GABRG3: variants seen among roughly 807,000 people sequenced by gnomAD.
GABRG3 encodes the protein gamma-aminobutyric acid type A receptor subunit gamma3.
In GABRG3, 25 loss-of-function variants were observed where a neutral mutation model predicts 48.8. The observed-to-expected ratio is 0.51, with a 90% CI of 0.37 to 0.72. The LOEUF is 0.72. Ranked by LOEUF, GABRG3 falls within the 30% of genes least tolerant of loss-of-function variation. The pLI is 0.00. For synonymous variants in GABRG3, 227 were observed against 217.6 expected, an observed-to-expected ratio of 1.04 and a Z score of -0.38; for missense variants, 394 against 577.9, an observed-to-expected ratio of 0.68 and a Z score of 3.26.
At chr15:27,361,177 A>G (rs866831139) in intron 5 of GABRG3, among the ~76,000 whole-genome samples, 34 of 152,202 alleles carry the variant, frequency 2.2e-4, no homozygotes, top group African/African-American at 8.0e-4. Flanking sequence ...TCTTAGTGAC[A>G]GTGGAACTGT....
At chr15:27,290,339 T>A (rs1226072678) in intron 3 of GABRG3, among the ~76,000 whole-genome samples, 1 of 151,964 alleles carries the variant, frequency 6.6e-6, no homozygotes, top group East Asian at 1.9e-4. Context: ...AGAGCTTAAC[T>A]GCCCCATCCA....
intron 3 of GABRG3, among the ~76,000 whole-genome samples, chr15:27,135,316 G>A (rs1399923021): frequency 6.6e-6 from 1 of 152,210 alleles, no homozygotes; most frequent in Non-Finnish European, 1.5e-5. Context: ...AAGAGCCAGT[G>A]TGGCCAGGTA....
intron 3 of GABRG3, among the ~76,000 whole-genome samples, chr15:27,296,180 C>A (rs1345143279): frequency 6.6e-6 from 1 of 152,100 alleles, no homozygotes. Context: ...AAGCAAGTGA[C>A]CCTAGACAGT....
chr15:27,434,710 C>T (rs912968982), intron 5 of GABRG3, among the ~76,000 whole-genome samples: 22 of 152,140 alleles, frequency 1.4e-4, no homozygotes, highest in Non-Finnish European at 2.9e-4. Flanking sequence ...GGGCAGTGAA[C>T]ACCTGGCCAG....
rs943886695 is a variant in GABRG3, at chr15:27,102,734, A to G, written c.270+75913A>G. Among the ~76,000 whole-genome samples, 9 of 152,224 alleles carry G rather than the reference A, an allele frequency of 5.9e-5. 1 individual carries two copies. Among genetic ancestry groups the G allele is most frequent in the African/African-American group, 2.2e-4 (9 of 41,466 alleles). On this transcript the variant is annotated intron_variant, in intron 3 of 9. Transcript: ENST00000615808. ...ATATAATTGTGAGCTTACTTCTCCT[A>G]ATAAAAGTACTAACAAGTAAATAGA...
chr15:27,256,663 C>T (rs75435047), intron 3 of GABRG3, among the ~76,000 whole-genome samples: 1,801 of 152,172 alleles, frequency 0.012, 39 homozygotes, highest in East Asian at 0.061. Flanking sequence ...TGTTTACATA[C>T]GTCTTCTTTA....
intron 3 of GABRG3, among the ~76,000 whole-genome samples, chr15:27,244,067 T>G (rs1941636789): frequency 6.6e-6 from 1 of 152,202 alleles, no homozygotes; most frequent in Non-Finnish European, 1.5e-5. Flanking sequence ...TGCTTGGAGA[T>G]GAAGAGCATA....
intron 5 of GABRG3, among the ~76,000 whole-genome samples, chr15:27,330,674 A>G (rs1893773688): frequency 6.6e-6 from 1 of 152,256 alleles, no homozygotes; most frequent in South Asian, 2.1e-4. Flanking sequence ...TTTTTATAGA[A>G]ATAAAATAAT....
intron 3 of GABRG3, among the ~76,000 whole-genome samples, chr15:27,298,886 G>A (rs1398016209): frequency 6.7e-6 from 1 of 150,190 alleles, no homozygotes; most frequent in African/African-American, 2.4e-5. Flanking sequence ...TAATTAATAT[G>A]TTCAAGATCA....
In GABRG3 at chr15:27,534,495, C is replaced by T. The variant is rs956287057; in HGVS notation, c.*1614C>T. On this transcript the variant is annotated 3_prime_UTR_variant, in exon 10 of 10. Transcript: ENST00000615808. ...TACCAGTTAGTTAATAATGCTTTGG[C>T]ATTGTTAAAATTTGAAACCAGAATC... 1 of 152,180 alleles carries T rather than the reference C, an allele frequency of 6.6e-6. No individual in the cohort carries two copies. Among genetic ancestry groups the T allele is most frequent in the African/African-American group, 2.4e-5 (1 of 41,440 alleles). 9.4% of individuals were successfully genotyped at this position (152,180 alleles called of 1,614,324 possible). A position where few individuals can be genotyped will look rare whatever the true frequency, so the allele number is the denominator to read the frequency against.
intron 1 of GABRG3, among the ~76,000 whole-genome samples, chr15:26,972,561 C>T (rs1289563984): frequency 6.6e-6 from 1 of 152,126 alleles, no homozygotes; most frequent in African/African-American, 2.4e-5. Context: ...GTGCCCCTAT[C>T]CCCCAAACCC....
At chr15:27,112,316 G>A (rs1021941352) in intron 3 of GABRG3, among the ~76,000 whole-genome samples, 1 of 152,102 alleles carries the variant, frequency 6.6e-6, no homozygotes, top group Non-Finnish European at 1.5e-5. Context: ...GCTTTTTCTT[G>A]TTGTAAAGCA....
rs958474584 is a variant in GABRG3 at position 27,257,771 on chromosome 15, C to T, written c.271-69038C>T. On this transcript the variant is annotated intron_variant, in intron 3 of 9. Transcript: ENST00000615808. The stretch of plus-strand genomic sequence containing the variant: ...CACTGCAGGGCTCCAGCCTCAGCCT[C>T]CCAAGTAGCTGGGACTATGTGCATG... Among the ~76,000 whole-genome samples, 4 of 152,090 alleles carry T rather than the reference C, an allele frequency of 2.6e-5. No individual in the cohort carries two copies. The South Asian group carries it at 8.3e-4, about 32-fold the overall frequency.
chr15:27,135,627 C>T (rs1378596825), intron 3 of GABRG3, among the ~76,000 whole-genome samples: 2 of 152,132 alleles, frequency 1.3e-5, no homozygotes, highest in Non-Finnish European at 2.9e-5. Flanking sequence ...ATAAGGGAGG[C>T]CAGGCGCAGT....
chr15:27,323,558 T>C (rs1241731326), intron 3 of GABRG3, among the ~76,000 whole-genome samples: 1 of 152,196 alleles, frequency 6.6e-6, no homozygotes, highest in African/African-American at 2.4e-5. Flanking sequence ...TCTGTGCAAA[T>C]ATAGCCTATT....
chr15:27,197,135 T>A (rs1888521400), intron 3 of GABRG3, among the ~76,000 whole-genome samples: 1 of 152,204 alleles, frequency 6.6e-6, no homozygotes, highest in Non-Finnish European at 1.5e-5. Context: ...ATTGTGATTT[T>A]TTTTATTTAA....
At chr15:27,011,238 T>G (rs1263416570) in intron 2 of GABRG3, among the ~76,000 whole-genome samples, 1 of 152,206 alleles carries the variant, frequency 6.6e-6, no homozygotes, top group Non-Finnish European at 1.5e-5. Context: ...GCAACTCTCT[T>G]AGGACTTTCA....
At chr15:27,193,646 G>A (rs1442234773) in intron 3 of GABRG3, among the ~76,000 whole-genome samples, 3 of 152,204 alleles carry the variant, frequency 2.0e-5, no homozygotes, top group African/African-American at 7.2e-5. Flanking sequence ...ACTAGGAAAG[G>A]GAACTCCCTG....
At chr15:27,252,000 A>G (rs897887831) in intron 3 of GABRG3, among the ~76,000 whole-genome samples, 2 of 152,336 alleles carry the variant, frequency 1.3e-5, no homozygotes, top group Non-Finnish European at 2.9e-5. Context: ...GAAATGATGC[A>G]TGCAGATTCA....
Sources: gnomAD v4.1 joint callset for allele counts (sites outside exome capture counted in the v4.1 genomes callset) on GRCh38, gnomAD v4.1.1 for gene constraint, MANE v1.5 for transcripts, NCBI Gene and HGNC (gene_info 2026-07-23, HGNC 2026-07-21) for gene names.